PPM1E: variants seen among roughly 807,000 people sequenced by gnomAD.
PPM1E encodes protein phosphatase, Mg2+/Mn2+ dependent 1E, also known as protein phosphatase 1E.
PPM1E carries 20 observed loss-of-function variants against 65.9 expected under a neutral mutation model. That is an observed-to-expected ratio of 0.30 (90% CI 0.21 to 0.44). The LOEUF is 0.44. Among genes scored for constraint, PPM1E ranks in the 20% least tolerant of loss-of-function variants. The pLI is 1.00. For synonymous variants in PPM1E, 352 were observed against 374.9 expected (o/e 0.94, Z 0.70); for missense variants, 713 against 953.1 (o/e 0.75, Z 3.32).
chr17:58,826,784 C>G (rs761768544), intron 1 of PPM1E, among the ~76,000 whole-genome samples: 1 of 151,950 alleles, frequency 6.6e-6, no homozygotes, highest in African/African-American at 2.4e-5. Flanking sequence ...TGCCACCTCA[C>G]CTGGCTAATT....
At chr17:58,909,382 T>C (rs2051596734) in intron 1 of PPM1E, among the ~76,000 whole-genome samples, 1 of 151,934 alleles carries the variant, frequency 6.6e-6, no homozygotes, top group Admixed American at 6.6e-5. Flanking sequence ...TCAGCCTCCT[T>C]AGTAGCTAGG....
At chr17:58,842,283 G>A (rs943506758) in intron 1 of PPM1E, among the ~76,000 whole-genome samples, 4 of 152,206 alleles carry the variant, frequency 2.6e-5, no homozygotes, top group Admixed American at 6.5e-5. Context: ...ACAAGTAAAC[G>A]TAATATAGTG....
intron 1 of PPM1E, among the ~76,000 whole-genome samples, chr17:58,787,683 C>G: frequency 6.6e-6 from 1 of 151,824 alleles, no homozygotes; most frequent in East Asian, 1.9e-4. Flanking sequence ...CCGAGGCGGG[C>G]GGATCACCAG....
At chr17:58,912,132 G>A (rs1179649071) in intron 1 of PPM1E, among the ~76,000 whole-genome samples, 1 of 152,174 alleles carries the variant, frequency 6.6e-6, no homozygotes, top group Non-Finnish European at 1.5e-5. Flanking sequence ...CGATTTGCAA[G>A]GGAGGGAGGG....
intron 1 of PPM1E, among the ~76,000 whole-genome samples, chr17:58,930,786 C>T (rs1016119369): frequency 6.6e-6 from 1 of 151,902 alleles, no homozygotes; most frequent in African/African-American, 2.4e-5. Context: ...TGGAAATTAA[C>T]CAAGTGTTTA....
chr17:58,827,754 T>C (rs1162341217), intron 1 of PPM1E, among the ~76,000 whole-genome samples: 4 of 148,946 alleles, frequency 2.7e-5, no homozygotes, highest in Non-Finnish European at 5.9e-5. Flanking sequence ...TACAAAAAAT[T>C]AGCCAGGCGT....
chr17:58,826,457 A>G (rs1412549123), intron 1 of PPM1E, among the ~76,000 whole-genome samples: 1 of 152,212 alleles, frequency 6.6e-6, no homozygotes, highest in Admixed American at 6.5e-5. Flanking sequence ...GGCAACTAAA[A>G]TTCAGCAGAA....
At chr17:58,801,774 T>TC (rs1293619627) in intron 1 of PPM1E, among the ~76,000 whole-genome samples, 1 of 151,426 alleles carries the variant, frequency 6.6e-6, no homozygotes, top group African/African-American at 2.4e-5. Flanking sequence ...TTATTTTTTT[T>TC]GAGACAGAGT....
intron 1 of PPM1E, among the ~76,000 whole-genome samples, chr17:58,797,097 C>G (rs1481146662): frequency 6.6e-6 from 1 of 152,110 alleles, no homozygotes; most frequent in East Asian, 1.9e-4. Context: ...AGGAGCGAAA[C>G]TCCATCTCAA....
intron 1 of PPM1E, among the ~76,000 whole-genome samples, chr17:58,769,319 G>A (rs903593125): frequency 2.6e-5 from 4 of 152,152 alleles, no homozygotes; most frequent in African/African-American, 7.2e-5. Context: ...GAGAGACTGG[G>A]CTCAGTGGCT....
intron 1 of PPM1E, among the ~76,000 whole-genome samples, chr17:58,923,190 T>A (rs1159640194): frequency 1.4e-5 from 2 of 144,654 alleles, no homozygotes; most frequent in Non-Finnish European, 3.0e-5. Flanking sequence ...GAGGCTGAGA[T>A]GGAAGGATCA....
intron 1 of PPM1E, among the ~76,000 whole-genome samples, chr17:58,925,242 G>A (rs2051809296): frequency 6.6e-6 from 1 of 151,762 alleles, no homozygotes; most frequent in Admixed American, 6.6e-5. Context: ...AGCATCTATT[G>A]TTTCTTGACT....
chr17:58,925,263 T>TGC (rs2051809481), intron 1 of PPM1E, among the ~76,000 whole-genome samples: 1 of 152,090 alleles, frequency 6.6e-6, no homozygotes, highest in African/African-American at 2.4e-5. Flanking sequence ...TTTTAATAAT[T>TGC]GCCATTCTGA....
chr17:58,966,911 A>C (rs2030291256), intron 3 of PPM1E, among the ~76,000 whole-genome samples: 1 of 152,236 alleles, frequency 6.6e-6, no homozygotes, highest in Non-Finnish European at 1.5e-5. Context: ...TTTATGTTAT[A>C]AAGATAGATC....
chr17:58,976,006 T>A lies in PPM1E; in HGVS notation c.1210+3081T>A, dbSNP rs977997529. On this transcript the variant is annotated intron_variant, in intron 6 of 6. Transcript: ENST00000308249. ...TAAAGGAGCAAGTGTAGATTTAGTTTCTTGGGCAGTTTGATGGTGAAGGGG... is the reference window on the plus strand; with the variant it reads ...TAAAGGAGCAAGTGTAGATTTAGTTACTTGGGCAGTTTGATGGTGAAGGGG... Among the ~76,000 whole-genome samples, 3 of 150,968 alleles carry A rather than the reference T, an allele frequency of 2.0e-5. No homozygotes were observed. In the East Asian group the frequency reaches 5.9e-4, roughly 30 times the overall value.
At chr17:58,910,684 T>C (rs1453937355) in intron 1 of PPM1E, among the ~76,000 whole-genome samples, 14 of 152,202 alleles carry the variant, frequency 9.2e-5, no homozygotes. Flanking sequence ...AGTGAGGCTG[T>C]ACTTATGGAC....
At chr17:58,875,820 C>A (rs910561355) in intron 1 of PPM1E, among the ~76,000 whole-genome samples, 4 of 152,030 alleles carry the variant, frequency 2.6e-5, no homozygotes, top group African/African-American at 7.2e-5. Flanking sequence ...AAACACAGCT[C>A]ATCAAAGAAG....
intron 1 of PPM1E, among the ~76,000 whole-genome samples, chr17:58,931,004 A>T (rs1401757313): frequency 1.3e-5 from 2 of 149,928 alleles, no homozygotes; most frequent in Non-Finnish European, 1.5e-5. Flanking sequence ...ACCTGAGGTC[A>T]GGAGTTCAGG....
chr17:58,869,049 A>AG (rs2051039632), intron 1 of PPM1E, among the ~76,000 whole-genome samples: 1 of 152,126 alleles, frequency 6.6e-6, no homozygotes, highest in Admixed American at 6.5e-5. Flanking sequence ...GTGTACCTGT[A>AG]GTCCCAGCTA....
Sources: gnomAD v4.1 joint callset for allele counts (sites outside exome capture counted in the v4.1 genomes callset) on GRCh38, gnomAD v4.1.1 for gene constraint, MANE v1.5 for transcripts, NCBI Gene and HGNC (gene_info 2026-07-23, HGNC 2026-07-21) for gene names.